The following AGAP1 variants were observed in gnomAD, a reference collection of about 807,000 sequenced individuals.
AGAP1 encodes the protein arf-GAP with GTPase, ANK repeat and PH domain-containing protein 1.
A neutral mutation model predicts 105.3 loss-of-function variants in AGAP1; 29 were observed. The ratio of observed to expected loss-of-function variants is 0.28; its 90% CI spans 0.21 to 0.38. AGAP1 has a LOEUF of 0.38. Among genes scored for constraint, AGAP1 ranks in the 10% least tolerant of loss-of-function variants. The probability of loss-of-function intolerance (pLI) is 1.00; values close to 1 mark genes in which losing one functional copy is unlikely to be tolerated. For missense variants in AGAP1, 998 were observed against 1,165.1 expected (o/e 0.86, Z 2.09); for synonymous variants, 509 against 485.9 (o/e 1.05, Z -0.63).
In AGAP1 at chr2:235,977,194, G is replaced by T. The variant is rs1188158357; in HGVS notation, c.1645+8571G>T. 6.6e-6 allele frequency among the ~76,000 whole-genome samples: 1 copy of T among 152,030 alleles called. No individual in the cohort carries two copies. Among genetic ancestry groups the T allele is most frequent in the Non-Finnish European group, 1.5e-5 (1 of 68,012 alleles). On this transcript the variant is annotated intron_variant, in intron 13 of 17. Transcript: ENST00000304032. This position sits in a 1 kb window ranked among gnomAD's most constrained non-coding sequence, Gnocchi z 5.2. Reference sequence around the variant, plus strand: ...GTGTGCACCCTGGGATTGGAATTCGGGCTAGCTTGGGAGACCCTGCATTGG... The same window carrying T: ...GTGTGCACCCTGGGATTGGAATTCGTGCTAGCTTGGGAGACCCTGCATTGG...
At chr2:235,576,577 C>A (rs764351557) in intron 1 of AGAP1, among the ~76,000 whole-genome samples, 1 of 152,168 alleles carries the variant, frequency 6.6e-6, no homozygotes, top group Non-Finnish European at 1.5e-5. Flanking sequence ...TGGTTGACTG[C>A]AGTGTTCCCA....
At chr2:236,008,132 C>T (rs555763019) in intron 13 of AGAP1, among the ~76,000 whole-genome samples, 2 of 152,238 alleles carry the variant, frequency 1.3e-5, no homozygotes, top group African/African-American at 4.8e-5. Context: ...ACTGTGCAGC[C>T]GAATAACTAG....
chr2:235,669,589 C>T (rs1230121331), intron 1 of AGAP1: 1 of 147,944 alleles, frequency 6.8e-6, no homozygotes, highest in East Asian at 2.0e-4. Context: ...CCCCCGTCGC[C>T]CGCCCCGCCC....
intron 13 of AGAP1, 66 bp downstream of exon 13, chr2:235,968,689 T>G: frequency 6.6e-7 from 1 of 1,507,794 alleles, no homozygotes. Context: ...ATTTTTCAAA[T>G]GCGTGAAATT....
In AGAP1 at chr2:235,750,432, C is replaced by T. The variant is rs777665614; in HGVS notation, c.617C>T (p.Thr206Met). The change falls in exon 6 of 18, where the codon ACG becomes ATG. Residue 206 changes from threonine to methionine, a missense_variant. Coordinates refer to ENST00000304032, the MANE Select transcript of AGAP1 (RefSeq NM_001037131.3). This position sits in a 1 kb window ranked among gnomAD's most constrained non-coding sequence, Gnocchi z 5.3. Reference protein sequence around the residue: ...RKLSNDLKRCTYYETCATYGL... With the variant: ...RKLSNDLKRCMYYETCATYGL... ...CTCTCCAACGACCTGAAACGGTGCA[C>T]GTACTACGAGACGTGTGCTACATAC... 32 of 1,614,066 alleles carry T rather than the reference C, an allele frequency of 2.0e-5. No individual in the cohort carries two copies. The highest frequency in any genetic ancestry group is 8.0e-5 in the African/African-American group (6 of 74,910).
chr2:236,021,668 C>T (rs759782293), intron 13 of AGAP1, among the ~76,000 whole-genome samples: 16 of 152,160 alleles, frequency 1.1e-4, no homozygotes, highest in Non-Finnish European at 2.4e-4. Flanking sequence ...GAGATAGCAA[C>T]ACTCACCCCT....
At chr2:235,684,390 G>A (rs988426830) in intron 1 of AGAP1, among the ~76,000 whole-genome samples, 1 of 152,160 alleles carries the variant, frequency 6.6e-6, no homozygotes, top group Non-Finnish European at 1.5e-5. Context: ...TCGTGGCCTG[G>A]TGAAGGAGCA....
intron 15 of AGAP1, among the ~76,000 whole-genome samples, chr2:236,043,738 T>TGGGGG (rs564365759): frequency 2.3e-5 from 3 of 131,908 alleles, no homozygotes; most frequent in African/African-American, 9.1e-5. Context: ...AAAAAAAAAG[T>TGGGGG]GGGGGGGGTG....
At chr2:235,644,960 A>G (rs1015323000) in intron 1 of AGAP1, among the ~76,000 whole-genome samples, 5 of 151,118 alleles carry the variant, frequency 3.3e-5, no homozygotes, top group Non-Finnish European at 1.5e-5. Flanking sequence ...CAATGGCGCG[A>G]TCTGGGCTCA....
intron 16 of AGAP1, 104 bp downstream of exon 16, chr2:236,049,385 G>A (rs2057825931): frequency 1.9e-6 from 2 of 1,058,250 alleles, no homozygotes; most frequent in South Asian, 3.1e-5. Flanking sequence ...CTGATAACCT[G>A]TAGGAATTCG....
intron 6 of AGAP1, among the ~76,000 whole-genome samples, chr2:235,791,699 C>T (rs925237431): frequency 6.6e-6 from 1 of 152,132 alleles, no homozygotes; most frequent in Non-Finnish European, 1.5e-5. Context: ...AGGCACACGC[C>T]ACAATGCCTG....
chr2:235,851,587 G>A (rs1158594325), intron 9 of AGAP1, among the ~76,000 whole-genome samples: 1 of 152,124 alleles, frequency 6.6e-6, no homozygotes, highest in East Asian at 1.9e-4. Flanking sequence ...AGTGTTTGCA[G>A]CCGGCGAGCG....
intron 3 of AGAP1, chr2:235,718,455 C>T (rs948709154): frequency 2.1e-6 from 2 of 930,946 alleles, no homozygotes; most frequent in African/African-American, 3.6e-5. Context: ...AAAGGCACCA[C>T]TTTGTACTGT....
At chr2:235,826,092 G>A (rs761778522) in intron 9 of AGAP1, among the ~76,000 whole-genome samples, 2 of 152,224 alleles carry the variant, frequency 1.3e-5, no homozygotes, top group Admixed American at 1.3e-4. Flanking sequence ...TGCTAACGTG[G>A]CGCCATGCCC....
chr2:235,782,696 A>G (rs1160263756), intron 6 of AGAP1, among the ~76,000 whole-genome samples: 1 of 152,242 alleles, frequency 6.6e-6, no homozygotes, highest in African/African-American at 2.4e-5. Flanking sequence ...CAGTGGGAGA[A>G]CGCTGAAGCC....
chr2:235,837,109 C>G (rs751534983), intron 9 of AGAP1, among the ~76,000 whole-genome samples: 19 of 152,182 alleles, frequency 1.2e-4, no homozygotes, highest in African/African-American at 1.9e-4. Flanking sequence ...CCTCAGCCTC[C>G]CAAGTAGCTG....
rs1205750519 is a variant in AGAP1, at chr2:235,882,105, T to C, written c.1051-1240T>C. Among the ~76,000 whole-genome samples, 1 of 152,074 alleles carries C rather than the reference T, an allele frequency of 6.6e-6. No homozygotes were observed. The highest frequency in any genetic ancestry group is 2.4e-5 in the African/African-American group (1 of 41,432). On this transcript the variant is annotated intron_variant, in intron 9 of 17. Coordinates refer to ENST00000304032, the MANE Select transcript of AGAP1 (RefSeq NM_001037131.3). This position sits in a 1 kb window ranked among gnomAD's most constrained non-coding sequence, Gnocchi z 4.6. ...TTTTTGTGTTTGGTTGTTTTTGTTT[T>C]TGTTCTTTTTGGCTACAAGGTGTGT...
intron 1 of AGAP1, among the ~76,000 whole-genome samples, chr2:235,503,188 A>G (rs755167785): frequency 2.0e-5 from 3 of 152,206 alleles, no homozygotes; most frequent in Non-Finnish European, 2.9e-5. Context: ...TATGTAATGA[A>G]AAAGAAATTG....
Position 235,502,812 on chromosome 2 carries a change from T to C in AGAP1, c.163+7963T>C, listed in dbSNP as rs542722654. On this transcript the variant is annotated intron_variant, in intron 1 of 17. Transcript: ENST00000304032. ...TGATTTATGTTTGGTCTTGGAGAAA[T>C]GTCAGCATTCAACAGGCTCTAGTAA... Among the ~76,000 whole-genome samples the C allele has an allele frequency of 7.5e-4, 113 of 151,210 alleles. 1 individual carries two copies. Among genetic ancestry groups the C allele is most frequent in the African/African-American group, 2.7e-3 (110 of 41,122 alleles).
Sources: allele counts gnomAD v4.1 joint callset (sites outside exome capture counted in the v4.1 genomes callset), GRCh38; gene constraint gnomAD v4.1.1; non-coding constraint Gnocchi (gnomAD v3.1); transcripts MANE v1.5; gene names NCBI Gene and HGNC (gene_info 2026-07-23, HGNC 2026-07-21).